The following SERPINA1 variants were observed in gnomAD, a reference collection of about 807,000 sequenced individuals.
SERPINA1 encodes serpin family A member 1, also known as alpha-1-antitrypsin.
Under a neutral mutation model 25.4 loss-of-function variants are expected in SERPINA1, and 21 were observed. The ratio of observed to expected loss-of-function variants is 0.83; its 90% CI spans 0.59 to 1.19. SERPINA1 has a LOEUF of 1.19. Ranked by LOEUF, SERPINA1 falls within the 50% of genes most tolerant of loss-of-function variation. The probability of loss-of-function intolerance (pLI) is 0.00; values close to 1 mark genes in which losing one functional copy is unlikely to be tolerated. For missense variants in SERPINA1, 546 were observed against 509.0 expected (o/e 1.07, Z -0.70); for synonymous variants, 218 against 211.1 (o/e 1.03, Z -0.29).
chr14:94,383,072 C>G lies in SERPINA1; in HGVS notation c.166G>C (p.Glu56Gln). 1 of 1,614,172 alleles carries G rather than the reference C, an allele frequency of 6.2e-7. No individual in the cohort carries two copies. The highest frequency in any genetic ancestry group is 1.1e-5 in the South Asian group (1 of 91,082). ...TGGCGGTATAGGCTGAAGGCGAACTCAGCCAGGTTGGGGGTGATCTTGTTG... is the reference window on the plus strand; with the variant it reads ...TGGCGGTATAGGCTGAAGGCGAACTGAGCCAGGTTGGGGGTGATCTTGTTG... ...TFNKITPNLAEFAFSLYRQLA... is the reference protein window; with the variant it reads ...TFNKITPNLAQFAFSLYRQLA... The change falls in exon 2 of 5, where the codon GAG becomes CAG. Residue 56 changes from glutamate to glutamine, a missense_variant. Physicochemically the swap from Glu to Gln is conservative, Grantham distance 29. Coordinates refer to ENST00000393087, the MANE Select transcript of SERPINA1 (RefSeq NM_000295.5).
chr14:94,390,208 G>T (rs982344160), upstream of SERPINA1, among the ~76,000 whole-genome samples: 13 of 152,162 alleles, frequency 8.5e-5, no homozygotes, highest in African/African-American at 2.9e-4. Context: ...TCCCTTCCCT[G>T]CAGCTCCATC....
chr14:94,386,605 A>G (rs1897303896), intron 1 of SERPINA1, among the ~76,000 whole-genome samples: 1 of 152,198 alleles, frequency 6.6e-6, no homozygotes, highest in South Asian at 2.1e-4. Context: ...AGTGGGCACC[A>G]GGTGAGGAAG....
At chr14:94,380,556 T>TGTG (rs1177545570) in intron 3 of SERPINA1, 5 of 430,982 alleles carry the variant, frequency 1.2e-5, no homozygotes, top group East Asian at 4.6e-5. Flanking sequence ...TGCCAGAACG[T>TGTG]GTGGTGGTGC....
rs1272855373 is a variant in SERPINA1, at chr14:94,379,445, G to T, written c.1065+19C>A. On this transcript the variant is annotated intron_variant, in intron 4 of 4. Coordinates refer to ENST00000393087, the MANE Select transcript of SERPINA1 (RefSeq NM_000295.5). ...CCTACAGATACCAGGGTGCAACAAG[G>T]TCGTCAGGGTGATCTCACCTTGGAG... is the stretch of plus-strand genomic sequence containing the variant. 1 of 1,613,906 alleles carries T rather than the reference G, an allele frequency of 6.2e-7. No individual in the cohort carries two copies. The highest frequency in any genetic ancestry group is 8.5e-7 in the Non-Finnish European group (1 of 1,180,036).
chr14:94,388,744 C>A (rs996291352), upstream of SERPINA1: 2 of 152,312 alleles, frequency 1.3e-5, no homozygotes, highest in African/African-American at 4.8e-5. Context: ...TCTGAGTCGC[C>A]CGCCTACGCT....
chr14:94,380,010 A>G (rs912862204), intron 3 of SERPINA1, among the ~76,000 whole-genome samples: 3 of 151,636 alleles, frequency 2.0e-5, no homozygotes, highest in African/African-American at 7.3e-5. Flanking sequence ...TGACCACACC[A>G]GGCTGAGTGC....
intron 1 of SERPINA1, chr14:94,384,169 C>T (rs1288031133): frequency 2.0e-5 from 3 of 152,166 alleles, no homozygotes; most frequent in African/African-American, 4.8e-5. Flanking sequence ...TGAAAAGACA[C>T]CTCTTTTAAC....
At chr14:94,386,728 A>C (rs971526095) in intron 1 of SERPINA1, among the ~76,000 whole-genome samples, 1 of 152,180 alleles carries the variant, frequency 6.6e-6, no homozygotes, top group African/African-American at 2.4e-5. Context: ...GCTCCTGCTC[A>C]GCAGTGAACA....
intron 2 of SERPINA1, among the ~76,000 whole-genome samples, chr14:94,381,566 G>T (rs1040115913): frequency 5.9e-5 from 9 of 152,212 alleles, no homozygotes; most frequent in African/African-American, 1.7e-4. Flanking sequence ...CAAACATTCT[G>T]CTTACTATTC....
At chr14:94,379,637 G>T in intron 3 of SERPINA1, 26 bp from the exon 4 acceptor site, 1 of 1,614,034 alleles carries the variant, frequency 6.2e-7, no homozygotes, top group Non-Finnish European at 8.5e-7. Context: ...GAAATTCAAG[G>T]CATGGCACAG....
chr14:94,383,177 C>T lies in SERPINA1; in HGVS notation c.61G>A (p.Val21Ile). ...CCCTGGGGATCCTCAGCCAGGGAGA[C>T]AGGGACCAGGCAGCACAGGCCTGCC... ...LLAGLCCLVP[V>I]SLAEDPQGDA... Residue 21 changes from valine (V) to isoleucine (I), a missense_variant, in exon 2 of 5, where the codon GTC becomes ATC. Transcript: ENST00000393087. 3 of 1,614,156 alleles carry T rather than the reference C, an allele frequency of 1.9e-6. No homozygotes were observed. Among genetic ancestry groups the T allele is most frequent in the South Asian group, 2.2e-5 (2 of 91,084 alleles).
At chr14:94,381,258 AC>A in intron 2 of SERPINA1, 117 bp from the exon 3 acceptor site, 1 of 995,090 alleles carries the variant, frequency 1.0e-6, no homozygotes, top group Non-Finnish European at 1.5e-6. Flanking sequence ...TTGACGACAC[AC>A]ATCCCTCGAG....
At chr14:94,380,309 T>A (rs944145489) in intron 3 of SERPINA1, among the ~76,000 whole-genome samples, 1 of 152,278 alleles carries the variant, frequency 6.6e-6, no homozygotes, top group African/African-American at 2.4e-5. Flanking sequence ...CATACACTAA[T>A]GTGTGGCTCA....
chr14:94,386,497 G>A (rs1897295794), intron 1 of SERPINA1, among the ~76,000 whole-genome samples: 1 of 152,148 alleles, frequency 6.6e-6, no homozygotes, highest in South Asian at 2.1e-4. Flanking sequence ...GGGGGCCTGG[G>A]GTAAATGACT....
intron 3 of SERPINA1, 63 bp from the exon 4 acceptor site, chr14:94,379,674 C>G (rs938319999): frequency 1.2e-6 from 2 of 1,608,646 alleles, no homozygotes; most frequent in African/African-American, 2.7e-5. Context: ...CTGGGACCCA[C>G]CACAGTGCAA....
chr14:94,379,658 G>C, intron 3 of SERPINA1, 47 bp from the exon 4 acceptor site: 1 of 1,613,300 alleles, frequency 6.2e-7, no homozygotes, highest in South Asian at 1.1e-5. Context: ...CATTCCTCTT[G>C]TTCTTCTGGG....
rs1047547336 is a variant in SERPINA1, at chr14:94,377,032, G to A, written c.*1417C>T. On this transcript the variant is annotated 3_prime_UTR_variant, in exon 5 of 5. Transcript: ENST00000393087. ...AGGCTGTCAGTGAGTAAGCTTAAGA[G>A]AACAGGAGACTTGTGTGGGAAACAG... The A allele has an allele frequency of 6.6e-6, 1 of 152,242 alleles. No homozygotes were observed. The highest frequency in any genetic ancestry group is 2.4e-5 in the African/African-American group (1 of 41,450). The allele number at this position is 152,242 out of a possible 1,614,324, so 9.4% of individuals were successfully genotyped here. A position where few individuals can be genotyped will look rare whatever the true frequency, so the allele number is the denominator to read the frequency against.
chr14:94,389,860 C>T (rs867408631), upstream of SERPINA1: 11 of 152,222 alleles, frequency 7.2e-5, no homozygotes, highest in Non-Finnish European at 1.5e-4. Flanking sequence ...GGCTGTGAGG[C>T]CTCAGGTGAG....
At chr14:94,381,219 G>T (rs1314416774) in intron 2 of SERPINA1, 78 bp from the exon 3 acceptor site, 4 of 1,453,720 alleles carry the variant, frequency 2.8e-6, no homozygotes, top group African/African-American at 2.9e-5. Context: ...GAAACCATGA[G>T]TCCCCTCCCT....
Sources: allele counts gnomAD v4.1 joint callset (sites outside exome capture counted in the v4.1 genomes callset), GRCh38; gene constraint gnomAD v4.1.1; transcripts MANE v1.5; gene names NCBI Gene and HGNC (gene_info 2026-07-23, HGNC 2026-07-21).